The following PKN2 variants were observed in gnomAD, a reference collection of about 807,000 sequenced individuals.
The protein encoded by PKN2 is serine/threonine-protein kinase N2.
PKN2 carries 38 observed loss-of-function variants against 119.1 expected under a neutral mutation model. That is an observed-to-expected ratio of 0.32 (90% CI 0.25 to 0.42). The LOEUF (loss-of-function observed/expected upper bound fraction) is 0.42. Among genes scored for constraint, PKN2 ranks in the 10% least tolerant of loss-of-function variants. The probability of loss-of-function intolerance (pLI) is 1.00; values close to 1 mark genes in which losing one functional copy is unlikely to be tolerated. For missense variants in PKN2, 850 were observed against 1,165.1 expected, an observed-to-expected ratio of 0.73 and a Z score of 3.94; for synonymous variants, 390 against 384.9, an observed-to-expected ratio of 1.01 and a Z score of -0.15.
intron 1 of PKN2, among the ~76,000 whole-genome samples, chr1:88,719,758 T>C (rs1447030554): frequency 1.3e-5 from 2 of 152,196 alleles, no homozygotes; most frequent in African/African-American, 2.4e-5. Flanking sequence ...AACATTCTTA[T>C]GTTTCATCTT....
At chr1:88,729,992 G>A (rs957813583) in intron 1 of PKN2, among the ~76,000 whole-genome samples, 2 of 151,994 alleles carry the variant, frequency 1.3e-5, no homozygotes, top group Non-Finnish European at 2.9e-5. Context: ...GTGAAACCCC[G>A]TCTCTACTAA....
chr1:88,773,718 A>G (rs1669981218), intron 6 of PKN2, among the ~76,000 whole-genome samples: 1 of 152,160 alleles, frequency 6.6e-6, no homozygotes, highest in Non-Finnish European at 1.5e-5. Flanking sequence ...GTTTGAGGCT[A>G]CAGTGAGTCA....
At chr1:88,707,958 A>G (rs1003437260) in intron 1 of PKN2, among the ~76,000 whole-genome samples, 2 of 152,096 alleles carry the variant, frequency 1.3e-5, no homozygotes, top group African/African-American at 4.8e-5. Flanking sequence ...TTTTCTTTCC[A>G]TGCATTTTTA....
chr1:88,737,899 G>C (rs1435414029), intron 1 of PKN2, among the ~76,000 whole-genome samples: 1 of 152,116 alleles, frequency 6.6e-6, no homozygotes, highest in Non-Finnish European at 1.5e-5. Flanking sequence ...CTCTTCAGTT[G>C]ATCTTTTCTT....
At chr1:88,803,743 TTTAAA>T (rs1671425701) in intron 8 of PKN2, among the ~76,000 whole-genome samples, 1 of 152,234 alleles carries the variant, frequency 6.6e-6, no homozygotes, top group African/African-American at 2.4e-5. Context: ...TAATTTGCTT[TTTAAA>T]TTATGTTTTA....
intron 1 of PKN2, among the ~76,000 whole-genome samples, chr1:88,731,937 T>G (rs962978615): frequency 6.6e-6 from 1 of 152,234 alleles, no homozygotes; most frequent in South Asian, 2.1e-4. Context: ...TGTCAGTTTA[T>G]GTTTGAGTCT....
intron 3 of PKN2, among the ~76,000 whole-genome samples, chr1:88,761,928 A>G (rs1012390465): frequency 3.9e-5 from 6 of 152,066 alleles, no homozygotes; most frequent in African/African-American, 1.4e-4. Flanking sequence ...CTTTTTTTTA[A>G]GTAAATACTT....
At chr1:88,817,446 G>A (rs767186544) in intron 16 of PKN2, among the ~76,000 whole-genome samples, 3 of 147,274 alleles carry the variant, frequency 2.0e-5, no homozygotes, top group Non-Finnish European at 4.5e-5. Flanking sequence ...GGTGGCTCAT[G>A]CCTGTAATCC....
intron 3 of PKN2, among the ~76,000 whole-genome samples, chr1:88,761,242 A>G (rs1049637238): frequency 3.3e-5 from 5 of 152,300 alleles, no homozygotes; most frequent in African/African-American, 1.2e-4. Flanking sequence ...TATAGTTTTA[A>G]TAATTTCCAG....
chr1:88,789,535 C>T lies in PKN2; in HGVS notation c.1281+3322C>T, dbSNP rs1204295373. Among the ~76,000 whole-genome samples, 8 of 152,044 alleles carry T rather than the reference C, an allele frequency of 5.3e-5. No individual in the cohort carries two copies. In the East Asian group the frequency reaches 5.8e-4, roughly 11 times the overall value. ...AAAATTAGCTGGGTGCAGTGGCAGA[C>T]GCCTGTAATCCCAGCTACTTGGGCG... On this transcript the variant is annotated intron_variant, in intron 8 of 21. Coordinates refer to ENST00000370521, the MANE Select transcript of PKN2 (RefSeq NM_006256.4).
At chr1:88,730,842 A>G (rs528438628) in intron 1 of PKN2, among the ~76,000 whole-genome samples, 2 of 152,342 alleles carry the variant, frequency 1.3e-5, no homozygotes, top group African/African-American at 4.8e-5. Context: ...TAATAATTCC[A>G]TTTCACAGAT....
At chr1:88,823,965 C>T (rs937732712) in intron 17 of PKN2, among the ~76,000 whole-genome samples, 7 of 147,872 alleles carry the variant, frequency 4.7e-5, no homozygotes, top group African/African-American at 1.0e-4. Flanking sequence ...GCTGAGACCA[C>T]GCCATTGCAC....
intron 1 of PKN2, among the ~76,000 whole-genome samples, chr1:88,737,108 C>G (rs1011881749): frequency 1.3e-5 from 2 of 152,014 alleles, no homozygotes; most frequent in Non-Finnish European, 2.9e-5. Flanking sequence ...AGTATTGTGG[C>G]CAGGACGGCC....
chr1:88,742,167 AAG>A (rs1434874223), intron 2 of PKN2, among the ~76,000 whole-genome samples: 2 of 152,176 alleles, frequency 1.3e-5, no homozygotes, highest in Non-Finnish European at 2.9e-5. Flanking sequence ...TGCAAAGAAA[AAG>A]AGTGTGAGAG....
At chr1:88,688,119 A>G (rs1332241595) in intron 1 of PKN2, among the ~76,000 whole-genome samples, 4 of 150,890 alleles carry the variant, frequency 2.7e-5, no homozygotes, top group Non-Finnish European at 1.5e-5. Context: ...GGAGTCTCGC[A>G]CTGTCACCCA....
chr1:88,780,824 C>T (rs1455205391), intron 6 of PKN2, among the ~76,000 whole-genome samples: 1 of 151,364 alleles, frequency 6.6e-6, no homozygotes, highest in African/African-American at 2.5e-5. Context: ...ATAAGGTTGT[C>T]AAATATTTTG....
chr1:88,805,601 C>A lies in PKN2; in HGVS notation c.1606C>A (p.Pro536Thr). Residue 536 changes from proline (P) to threonine (T), a missense_variant, in exon 11 of 22, where the codon CCT becomes ACT. This residue lies in a region of PKN2 where 216 missense variants were observed against 252.8 expected (regional missense o/e 0.85). Coordinates refer to ENST00000370521, the MANE Select transcript of PKN2 (RefSeq NM_006256.4). ...PTVNHSGTFS[P>T]QAPVPTTVPV... ...AGTAAATCATTCTGGCACCTTCAGC[C>A]CTCAAGCTCCTGTGCCTACTACAGT... The A allele has an allele frequency of 6.2e-7, 1 of 1,614,006 alleles. No individual in the cohort carries two copies. The highest frequency in any genetic ancestry group is 8.5e-7 in the Non-Finnish European group (1 of 1,179,986).
chr1:88,705,490 C>T (rs1293712547), intron 1 of PKN2, among the ~76,000 whole-genome samples: 1 of 151,586 alleles, frequency 6.6e-6, no homozygotes. Context: ...GTCAGGAGAT[C>T]GAGACCATCC....
At chr1:88,798,972 G>A (rs1205408940) in intron 8 of PKN2, among the ~76,000 whole-genome samples, 2 of 151,872 alleles carry the variant, frequency 1.3e-5, no homozygotes, top group Admixed American at 6.5e-5. Flanking sequence ...GGAAAGAATA[G>A]TAGGAAAATC....
Sources: gnomAD v4.1 joint callset for allele counts (sites outside exome capture counted in the v4.1 genomes callset) on GRCh38, gnomAD v4.1.1 for gene constraint, gnomAD v4.1.1 regional missense constraint, MANE v1.5 for transcripts, NCBI Gene and HGNC (gene_info 2026-07-23, HGNC 2026-07-21) for gene names.